Variants in AKAP19 observed in about 807,000 individuals in gnomAD.
The protein encoded by AKAP19 is small A-kinase anchoring protein.
chr2:190,018,883 A>T, the AKAP19 span, among the ~76,000 whole-genome samples: 1 of 152,178 alleles, frequency 6.6e-6, no homozygotes, highest in Non-Finnish European at 1.5e-5. Flanking sequence ...GGTTCTCTAG[A>T]TGGCTGGGCC....
At chr2:190,194,460 C>T in the AKAP19 span, among the ~76,000 whole-genome samples, 3 of 147,828 alleles carry the variant, frequency 2.0e-5, no homozygotes, top group African/African-American at 7.7e-5. Context: ...AAGTAGTGTT[C>T]CCACGTATCC....
chr2:189,993,857 C>T, the AKAP19 span, among the ~76,000 whole-genome samples: 3 of 152,074 alleles, frequency 2.0e-5, no homozygotes, highest in African/African-American at 4.8e-5. Flanking sequence ...CGTAATACCT[C>T]CCATTACATT....
At chr2:189,915,569 A>G in the AKAP19 span, among the ~76,000 whole-genome samples, 1 of 152,134 alleles carries the variant, frequency 6.6e-6, no homozygotes, top group South Asian at 2.1e-4. Flanking sequence ...TCTCAAAAGA[A>G]AAAAATTTGA....
At chr2:189,970,541 A>T in the AKAP19 span, among the ~76,000 whole-genome samples, 3 of 152,184 alleles carry the variant, frequency 2.0e-5, no homozygotes, top group Admixed American at 6.5e-5. Flanking sequence ...CGAGATATAT[A>T]TATATTAAAA....
the AKAP19 span, among the ~76,000 whole-genome samples, chr2:190,124,770 T>C: frequency 6.6e-6 from 1 of 152,192 alleles, no homozygotes; most frequent in Non-Finnish European, 1.5e-5. Flanking sequence ...TTCTACCCTT[T>C]TGTAATAATT....
At chr2:189,932,422 A>AAC in the AKAP19 span, among the ~76,000 whole-genome samples, 1 of 151,884 alleles carries the variant, frequency 6.6e-6, no homozygotes, top group African/African-American at 2.4e-5. Context: ...AAAAAAAAAA[A>AAC]AAAGTCATTC....
the AKAP19 span, among the ~76,000 whole-genome samples, chr2:189,940,496 T>C: frequency 2.6e-5 from 4 of 151,772 alleles, no homozygotes; most frequent in Admixed American, 6.6e-5. Flanking sequence ...AAAGATTGCC[T>C]ACAAGATATA....
At chr2:190,006,322 A>G in the AKAP19 span, among the ~76,000 whole-genome samples, 1 of 152,230 alleles carries the variant, frequency 6.6e-6, no homozygotes, top group Non-Finnish European at 1.5e-5. Flanking sequence ...CTTCCTTCTC[A>G]AAGTGGATAA....
chr2:190,052,396 G>C, the AKAP19 span, among the ~76,000 whole-genome samples: 1 of 152,160 alleles, frequency 6.6e-6, no homozygotes, highest in Non-Finnish European at 1.5e-5. Flanking sequence ...GTAAACCAGT[G>C]TTTTATGCTT....
chr2:190,132,832 C>A, the AKAP19 span, among the ~76,000 whole-genome samples: 1 of 152,050 alleles, frequency 6.6e-6, no homozygotes, highest in African/African-American at 2.4e-5. Context: ...AAATAATCAA[C>A]AGAGTGAAAA....
At chr2:190,144,314 G>A in the AKAP19 span, among the ~76,000 whole-genome samples, 1 of 150,314 alleles carries the variant, frequency 6.7e-6, no homozygotes, top group South Asian at 2.1e-4. Context: ...ATAAAAAGTT[G>A]GCAAATTGGC....
At chr2:189,915,222 T>C in the AKAP19 span, among the ~76,000 whole-genome samples, 1 of 152,146 alleles carries the variant, frequency 6.6e-6, no homozygotes, top group African/African-American at 2.4e-5. Context: ...TACTACTTGC[T>C]CAGACAACTC....
the AKAP19 span, among the ~76,000 whole-genome samples, chr2:189,896,008 CAAAA>C: frequency 5.9e-5 from 7 of 117,974 alleles, no homozygotes; most frequent in Non-Finnish European, 9.2e-5. Flanking sequence ...GACCCTGTCT[CAAAA>C]AAAAAAAAAA....
the AKAP19 span, among the ~76,000 whole-genome samples, chr2:189,984,673 A>G: frequency 6.6e-6 from 1 of 152,228 alleles, no homozygotes; most frequent in East Asian, 1.9e-4. Context: ...AGTGTCCATG[A>G]AATCTTCACA....
At chr2:190,146,181 G>A in the AKAP19 span, among the ~76,000 whole-genome samples, 1 of 151,970 alleles carries the variant, frequency 6.6e-6, no homozygotes, top group Non-Finnish European at 1.5e-5. Flanking sequence ...GGTCCCCAAA[G>A]TCCATTGTAT....
At chr2:189,915,628 A>G in the AKAP19 span, among the ~76,000 whole-genome samples, 1 of 152,152 alleles carries the variant, frequency 6.6e-6, no homozygotes, top group Non-Finnish European at 1.5e-5. Flanking sequence ...TAAGACTTCA[A>G]ATTTCACCAG....
At chr2:190,172,465 A>G in the AKAP19 span, among the ~76,000 whole-genome samples, 6 of 152,342 alleles carry the variant, frequency 3.9e-5, no homozygotes, top group Non-Finnish European at 7.3e-5. Flanking sequence ...TGAATACTTT[A>G]TCACCCTATT....
chr2:190,062,569 T>C, the AKAP19 span: 3 of 1,612,680 alleles, frequency 1.9e-6, no homozygotes, highest in Admixed American at 1.7e-5. Flanking sequence ...AACAGGTAAA[T>C]ATAAACACAG....
chr2:189,924,563 T>C, the AKAP19 span, among the ~76,000 whole-genome samples: 1 of 152,196 alleles, frequency 6.6e-6, no homozygotes, highest in African/African-American at 2.4e-5. Context: ...TTTTCATTCA[T>C]ACATAAGTTC....
Sources: allele counts gnomAD v4.1 joint callset (sites outside exome capture counted in the v4.1 genomes callset), GRCh38; gene constraint gnomAD v4.1.1; transcripts MANE v1.5; gene names NCBI Gene and HGNC (gene_info 2026-07-23, HGNC 2026-07-21).